Variants in GABRG2 observed in about 807,000 individuals in gnomAD.
GABRG2 encodes gamma-aminobutyric acid type A receptor subunit gamma2.
A neutral mutation model predicts 56.4 loss-of-function variants in GABRG2; 16 were observed. The observed-to-expected ratio is 0.28, with a 90% confidence interval of 0.19 to 0.43. The LOEUF (loss-of-function observed/expected upper bound fraction) is 0.43. Among genes scored for constraint, GABRG2 ranks in the 20% least tolerant of loss-of-function variants. GABRG2 has a pLI of 1.00. For missense variants in GABRG2, 327 were observed against 582.7 expected (o/e 0.56, Z 4.52); for synonymous variants, 208 against 205.5 (o/e 1.01, Z -0.10).
intron 6 of GABRG2, among the ~76,000 whole-genome samples, chr5:162,112,324 T>C (rs1255241916): frequency 2.0e-5 from 3 of 152,110 alleles, no homozygotes; most frequent in Non-Finnish European, 2.9e-5. Context: ...TTTTGCTACA[T>C]TTAAGAGACA....
At chr5:162,114,149 C>T (rs1218011880) in intron 6 of GABRG2, among the ~76,000 whole-genome samples, 7 of 152,026 alleles carry the variant, frequency 4.6e-5, no homozygotes, top group Non-Finnish European at 1.0e-4. Context: ...CTGAGAAAGC[C>T]CTCATTCCCA....
intron 1 of GABRG2, among the ~76,000 whole-genome samples, chr5:162,090,978 A>C (rs562444979): frequency 6.6e-6 from 1 of 152,238 alleles, no homozygotes; most frequent in Admixed American, 6.5e-5. Context: ...AGCACTCTAG[A>C]GAAAGAAACA....
chr5:162,123,007 C>A (rs1053926365), intron 6 of GABRG2, among the ~76,000 whole-genome samples: 1 of 151,512 alleles, frequency 6.6e-6, no homozygotes, highest in African/African-American at 2.4e-5. Flanking sequence ...CACTATATAT[C>A]TGGGAGTAGC....
intron 6 of GABRG2, among the ~76,000 whole-genome samples, chr5:162,139,703 G>A (rs1764412569): frequency 6.6e-6 from 1 of 152,118 alleles, no homozygotes; most frequent in Non-Finnish European, 1.5e-5. Flanking sequence ...TCACTTACAT[G>A]ATAAGGTAAA....
chr5:162,093,236 A>G (rs1760741688), intron 1 of GABRG2, among the ~76,000 whole-genome samples: 1 of 152,138 alleles, frequency 6.6e-6, no homozygotes, highest in Admixed American at 6.6e-5. Context: ...ACAACCAAAG[A>G]TAAATGATCC....
At chr5:162,152,780 A>G in intron 9 of GABRG2, 1 of 583,164 alleles carries the variant, frequency 1.7e-6, no homozygotes, top group South Asian at 2.1e-5. Flanking sequence ...CACATCTAAT[A>G]CTTACTAGAA....
Position 162,124,958 on chromosome 5 carries a change from ATGTGTG to A in GABRG2, c.770-17174_770-17169del, listed in dbSNP as rs55993809. ...TTGCTGTTCTTTCTGGTATAAAGAG[ATGTGTG>A]TGTGTGTGTGTGTGTGTGTGTGTGT... On this transcript the variant is annotated intron_variant, in intron 6 of 9. Coordinates refer to ENST00000639213, the MANE Select transcript of GABRG2 (RefSeq NM_198904.4). Among the ~76,000 whole-genome samples the A allele has an allele frequency of 8.6e-3, 1,234 of 143,940 alleles. 7 individuals are homozygous for A. Among genetic ancestry groups the A allele is most frequent in the Middle Eastern group, 0.017 (5 of 288 alleles). 94.4% of individuals were successfully genotyped at this position (143,940 alleles called of 152,430 possible). A position where few individuals can be genotyped will look rare whatever the true frequency, so the allele number is the denominator to read the frequency against.
chr5:162,137,564 G>T (rs2113571585), intron 6 of GABRG2, among the ~76,000 whole-genome samples: 1 of 151,928 alleles, frequency 6.6e-6, no homozygotes. Context: ...TAAAAATTTA[G>T]GGTTTTTTTT....
intron 6 of GABRG2, among the ~76,000 whole-genome samples, chr5:162,110,153 T>C (rs769666856): frequency 8.5e-5 from 13 of 152,138 alleles, no homozygotes; most frequent in Non-Finnish European, 5.9e-5. Flanking sequence ...ACTAGGAAAA[T>C]GAAAAATCTG....
At chr5:162,097,350 C>T (rs1363321796) in intron 3 of GABRG2, among the ~76,000 whole-genome samples, 1 of 152,120 alleles carries the variant, frequency 6.6e-6, no homozygotes, top group Non-Finnish European at 1.5e-5. Flanking sequence ...CAAAACAACA[C>T]AATGCTCTGC....
intron 6 of GABRG2, among the ~76,000 whole-genome samples, chr5:162,141,151 C>T (rs2113592255): frequency 6.6e-6 from 1 of 152,176 alleles, no homozygotes; most frequent in East Asian, 1.9e-4. Flanking sequence ...ATTCTCCTGC[C>T]TAAGCCTCCC....
At position 162,121,078 on chromosome 5, in the gene GABRG2, G is replaced by A. The variant is rs114117332; in HGVS notation, c.769+17052G>A. ...TCATTATAAACTGTAGAAGCTCTAC[G>A]CTTTTTACTGAAACCTCCCTCTGTC... On this transcript the variant is annotated intron_variant, in intron 6 of 9. Coordinates refer to ENST00000639213, the MANE Select transcript of GABRG2 (RefSeq NM_198904.4). Among the ~76,000 whole-genome samples, 680 of 152,124 alleles carry A rather than the reference G, an allele frequency of 4.5e-3. 8 individuals carry two copies. The highest frequency in any genetic ancestry group is 0.016 in the African/African-American group (653 of 41,510).
At chr5:162,088,881 C>T (rs139503621) in intron 1 of GABRG2, among the ~76,000 whole-genome samples, 54 of 152,068 alleles carry the variant, frequency 3.6e-4, no homozygotes, top group Middle Eastern at 3.4e-3. Flanking sequence ...TAGAACATAG[C>T]GAATATTTTT....
chr5:162,109,417 TATA>T (rs1459559400), intron 6 of GABRG2, among the ~76,000 whole-genome samples: 23 of 137,888 alleles, frequency 1.7e-4, no homozygotes, highest in East Asian at 1.2e-3. Context: ...TATATATATA[TATA>T]TATTTATTTA....
Position 162,155,018 on chromosome 5 carries a change from A to G in GABRG2, c.*1650A>G, listed in dbSNP as rs1765616174. The G allele has an allele frequency of 6.6e-6, 1 of 152,250 alleles. No homozygotes were observed. The highest frequency in any genetic ancestry group is 1.5e-5 in the Non-Finnish European group (1 of 67,988). The allele number at this position is 152,250 out of a possible 1,614,324, so 9.4% of individuals were successfully genotyped here. A position where few individuals can be genotyped will look rare whatever the true frequency, so the allele number is the denominator to read the frequency against. ...TTTGTTAATTATTTTTATGGAAATT[A>G]TTACTCTGTCATAATTAAATCATAG... is the stretch of plus-strand genomic sequence containing the variant. On this transcript the variant is annotated 3_prime_UTR_variant, in exon 10 of 10. Transcript: ENST00000639213.
intron 6 of GABRG2, among the ~76,000 whole-genome samples, chr5:162,109,409 TATA>T: frequency 1.4e-5 from 2 of 138,922 alleles, no homozygotes; most frequent in African/African-American, 5.5e-5. Flanking sequence ...TATATATATA[TATA>T]TATATATATA....
chr5:162,084,778 T>C (rs1225459736), intron 1 of GABRG2, among the ~76,000 whole-genome samples: 2 of 151,956 alleles, frequency 1.3e-5, no homozygotes, highest in South Asian at 2.1e-4. Context: ...CCTTCTCTTT[T>C]ATGGTTTGCA....
rs1765374956 is a variant in GABRG2, at chr5:162,151,601, A to C, written c.1129-129A>C. On this transcript the variant is annotated intron_variant, in intron 8 of 9. Transcript: ENST00000639213. ...ACTCTCCTTCTGTGTTTATAATTTC[A>C]GTTCATTTCACTTACTGTGTTTTCA... The C allele has an allele frequency of 6.6e-6, 5 of 761,982 alleles. No homozygotes were observed. In the South Asian group the frequency reaches 8.6e-5, roughly 13 times the overall value. 47.2% of individuals were successfully genotyped at this position (761,982 alleles called of 1,614,324 possible).
rs1196234536 is a variant in GABRG2 at position 162,095,603 on chromosome 5, T to A, written c.327+41T>A. The A allele has an allele frequency of 3.6e-6, 5 of 1,387,562 alleles. No homozygotes were observed. The South Asian group carries it at 5.9e-5, about 16-fold the overall frequency. 86.0% of individuals were successfully genotyped at this position (1,387,562 alleles called of 1,614,324 possible). ...AAATTCTTTGTCTGTTTTATTAGCA[T>A]GTTTGAGAGAAAATGTGATGTCATG... On this transcript the variant is annotated intron_variant, in intron 3 of 9. Transcript: ENST00000639213.
Sources: allele counts gnomAD v4.1 joint callset (sites outside exome capture counted in the v4.1 genomes callset), GRCh38; gene constraint gnomAD v4.1.1; transcripts MANE v1.5; gene names NCBI Gene and HGNC (gene_info 2026-07-23, HGNC 2026-07-21).